TMPRSS6: variants seen among roughly 807,000 people sequenced by gnomAD.
TMPRSS6 encodes the protein transmembrane protease serine 6.
TMPRSS6 carries 67 observed loss-of-function variants against 101.5 expected under a neutral mutation model. That is an observed-to-expected ratio of 0.66 (90% CI 0.54 to 0.81). The LOEUF (loss-of-function observed/expected upper bound fraction) is 0.81. Among genes scored for constraint, TMPRSS6 ranks in the 30% least tolerant of loss-of-function variants. The pLI is 0.00. For missense variants in TMPRSS6, 1,034 were observed against 1,088.7 expected (o/e 0.95, Z 0.71); for synonymous variants, 453 against 464.9 (o/e 0.97, Z 0.33).
intron 2 of TMPRSS6, among the ~76,000 whole-genome samples, chr22:37,098,847 T>C (rs893165465): frequency 1.3e-5 from 2 of 152,112 alleles, no homozygotes; most frequent in Non-Finnish European, 2.9e-5. Flanking sequence ...AGGACACCAA[T>C]GACATGAAGG....
Position 37,074,600 on chromosome 22 carries a change from G to A in TMPRSS6, c.1441+10C>T, listed in dbSNP as rs79816125. On this transcript the variant is annotated intron_variant, in intron 12 of 17. Coordinates refer to ENST00000676104, the MANE Select transcript of TMPRSS6 (RefSeq NM_001374504.1). ...CAGGGAGAGGAGGGATGCGCGGGCG[G>A]GTTACTCACCGCAGTTTCTCTCATC... The A allele has an allele frequency of 0.015, 24,617 of 1,613,528 alleles. 228 individuals are homozygous for A. Among genetic ancestry groups the A allele is most frequent in the Non-Finnish European group, 0.018 (21,224 of 1,179,506 alleles).
rs1384127820 is a variant in TMPRSS6 at position 37,069,172 on chromosome 22, A to G, written c.2014T>C (p.Ser672Pro). The G allele has an allele frequency of 1.9e-6, 3 of 1,588,844 alleles. No homozygotes were observed. Among genetic ancestry groups the G allele is most frequent in the Non-Finnish European group, 1.7e-6 (2 of 1,168,906 alleles). The change falls in exon 16 of 18, where the codon TCG becomes CCG. Residue 672 changes from serine (S) to proline (P), a missense_variant. By Grantham distance (74) the Ser-to-Pro change is moderately conservative. Transcript: ENST00000676104. The surrounding 1 kb of genome is among the most constrained non-coding windows in gnomAD (Gnocchi z 4.8). ...AGGCAGACGGGGCGCACGGCGGCCG[A>G]GCGCACCACCGGGTGGTCGAGCTGC... is the stretch of plus-strand genomic sequence containing the variant. ...LLQLDHPVVR[S>P]AAVRPVCLPA...
At chr22:37,090,512 G>T (rs999349320) in intron 6 of TMPRSS6, among the ~76,000 whole-genome samples, 7 of 152,108 alleles carry the variant, frequency 4.6e-5, no homozygotes, top group Non-Finnish European at 1.0e-4. Flanking sequence ...GCTAATGATG[G>T]TGAAGCCATC....
At position 37,089,685 on chromosome 22, in the gene TMPRSS6, G is replaced by A. The variant is rs376170157; in HGVS notation, c.729C>T (p.Pro243=). Residue 243 remains proline (P), a synonymous_variant, in exon 7 of 18, where the codon CCC becomes CCT. Coordinates refer to ENST00000676104, the MANE Select transcript of TMPRSS6 (RefSeq NM_001374504.1). ...GCCGGAGTTTGAGCATGAGGTCCTT[G>A]GGGCCCTGCAGGTGCCACAGGCAGC... ...ASSCLWHLQG[P]KDLMLKLRLE... 41 of 1,612,062 alleles carry A rather than the reference G, an allele frequency of 2.5e-5. No homozygotes were observed. The highest frequency in any genetic ancestry group is 4.5e-5 in the East Asian group (2 of 44,834).
rs1930731227 is a variant in TMPRSS6 at position 37,106,646 on chromosome 22, T to A, written c.-2+2857A>T. Among the ~76,000 whole-genome samples the A allele has an allele frequency of 2.0e-5, 3 of 152,054 alleles. 1 individual carries two copies. In the South Asian group the frequency reaches 6.2e-4, roughly 32 times the overall value. On this transcript the variant is annotated intron_variant, in intron 1 of 17. Transcript: ENST00000676104. ...TGCCTCCATTGCGTCTTCCAGCGCATCCTCCCTCCCCAGCTCAATCGCTCA... is the reference window on the plus strand; with the variant it reads ...TGCCTCCATTGCGTCTTCCAGCGCAACCTCCCTCCCCAGCTCAATCGCTCA...
intron 16 of TMPRSS6, 115 bp downstream of exon 16, chr22:37,068,955 AGAG>A: frequency 6.8e-7 from 1 of 1,461,954 alleles, no homozygotes; most frequent in Non-Finnish European, 9.0e-7. Flanking sequence ...TCCCAGCACT[AGAG>A]GGCCTATGGG....
rs374910501 is a variant in TMPRSS6 at position 37,079,017 on chromosome 22, G to GAA, written c.1197-3738_1197-3737insTT. Reference sequence around the variant, plus strand: ...AGAAAGAAAGAAAGAAAGAAAGAAAGAGAAAGAGAGAAAGAAAGAAAAGCC... The same window carrying GAA: ...AGAAAGAAAGAAAGAAAGAAAGAAAGAAAGAAAGAGAGAAAGAAAGAAAAGCC... On this transcript the variant is annotated intron_variant, in intron 10 of 17. Coordinates refer to ENST00000676104, the MANE Select transcript of TMPRSS6 (RefSeq NM_001374504.1). Among the ~76,000 whole-genome samples, 56 of 93,224 alleles carry GAA rather than the reference G, an allele frequency of 6.0e-4. 1 individual carries two copies. The South Asian group carries it at 0.013, about 21-fold the overall frequency. 61.2% of individuals were successfully genotyped at this position (93,224 alleles called of 152,430 possible).
intron 2 of TMPRSS6, among the ~76,000 whole-genome samples, chr22:37,102,971 G>A (rs1930450242): frequency 6.6e-6 from 1 of 152,088 alleles, no homozygotes; most frequent in Non-Finnish European, 1.5e-5. Context: ...CTGGTGGGGA[G>A]CTTTGGGGCA....
intron 1 of TMPRSS6, among the ~76,000 whole-genome samples, chr22:37,104,080 T>C (rs1930560191): frequency 6.6e-6 from 1 of 152,172 alleles, no homozygotes; most frequent in South Asian, 2.1e-4. Context: ...CACCCAGGGA[T>C]GTGGAACCAT....
intron 10 of TMPRSS6, among the ~76,000 whole-genome samples, chr22:37,076,783 G>A (rs1016877775): frequency 6.6e-6 from 1 of 152,190 alleles, no homozygotes; most frequent in African/African-American, 2.4e-5. Context: ...GCAAATCAGA[G>A]TGCTTTGCAG....
At chr22:37,099,552 G>A (rs116896045) in intron 2 of TMPRSS6, among the ~76,000 whole-genome samples, 2 of 152,318 alleles carry the variant, frequency 1.3e-5, no homozygotes, top group East Asian at 3.9e-4. Context: ...GCTATGTGTA[G>A]GAACTGAGCC....
chr22:37,092,506 AT>A (rs1231332981), intron 6 of TMPRSS6, among the ~76,000 whole-genome samples: 180 of 137,720 alleles, frequency 1.3e-3, no homozygotes, highest in African/African-American at 4.6e-3. Context: ...TGTCCAGCTA[AT>A]TTTTTTTTTA....
intron 7 of TMPRSS6, among the ~76,000 whole-genome samples, chr22:37,088,467 T>A (rs1055627694): frequency 3.3e-5 from 5 of 152,110 alleles, no homozygotes; most frequent in Non-Finnish European, 7.3e-5. Flanking sequence ...AAGTGCTCAA[T>A]AAACAATCGC....
At chr22:37,093,914 T>C (rs1248871912) in intron 6 of TMPRSS6, among the ~76,000 whole-genome samples, 3 of 151,884 alleles carry the variant, frequency 2.0e-5, no homozygotes, top group Non-Finnish European at 4.4e-5. Flanking sequence ...TCCCAGCTAC[T>C]CAGGAGGCTG....
At chr22:37,067,095 G>A (rs1926373521) in intron 16 of TMPRSS6, 133 bp from the exon 17 acceptor site, 3 of 1,341,454 alleles carry the variant, frequency 2.2e-6, no homozygotes, top group East Asian at 5.0e-5. Context: ...CCCCTGCTAG[G>A]GTCGCACCTG....
rs529721767 is a variant in TMPRSS6, at chr22:37,094,438, C to CAGCT, written c.631+1109_631+1112dup. On this transcript the variant is annotated intron_variant, in intron 6 of 17. Transcript: ENST00000676104. The stretch of plus-strand genomic sequence containing the variant: ...AGATAGATAGATAGATATAAACAGA[C>CAGCT]AGCTAGCTAGCTAGACAGACAGAGA... Among the ~76,000 whole-genome samples the CAGCT allele has an allele frequency of 2.8e-3, 422 of 148,278 alleles. 3 individuals carry two copies. The highest frequency in any genetic ancestry group is 9.5e-3 in the African/African-American group (382 of 40,382).
chr22:37,072,743 G>A (rs1371459098), intron 13 of TMPRSS6, among the ~76,000 whole-genome samples: 4 of 120,236 alleles, frequency 3.3e-5, no homozygotes, highest in African/African-American at 6.2e-5. Context: ...GATGATGGAC[G>A]GATGGATGGA....
At chr22:37,070,049 G>A (rs998373344) in intron 15 of TMPRSS6, among the ~76,000 whole-genome samples, 1 of 152,144 alleles carries the variant, frequency 6.6e-6, no homozygotes, top group African/African-American at 2.4e-5. Context: ...GGGAAAGATG[G>A]CCATGAGGCC....
chr22:37,074,459 C>T, intron 12 of TMPRSS6, 151 bp downstream of exon 12: 1 of 741,554 alleles, frequency 1.3e-6, no homozygotes, highest in Non-Finnish European at 2.2e-6. Context: ...CTCATTTTGC[C>T]ACCCCGGCAC....
Sources: gnomAD v4.1 joint callset for allele counts (sites outside exome capture counted in the v4.1 genomes callset) on GRCh38, gnomAD v4.1.1 for gene constraint, Gnocchi (gnomAD v3.1) non-coding constraint, MANE v1.5 for transcripts, NCBI Gene and HGNC (gene_info 2026-07-23, HGNC 2026-07-21) for gene names.